The following HIPK2 variants were observed in gnomAD, a reference collection of about 807,000 sequenced individuals.
The protein encoded by HIPK2 is homeodomain-interacting protein kinase 2.
Under a neutral mutation model 113.7 loss-of-function variants are expected in HIPK2, and 27 were observed. That is an observed-to-expected ratio of 0.24 (90% CI 0.17 to 0.33). The LOEUF is 0.33. Among genes scored for constraint, HIPK2 ranks in the 10% least tolerant of loss-of-function variants. HIPK2 has a pLI of 1.00. For synonymous variants in HIPK2, 631 were observed against 642.2 expected (o/e 0.98, Z 0.26); for missense variants, 1,257 against 1,588.0 (o/e 0.79, Z 3.54).
intron 1 of HIPK2, among the ~76,000 whole-genome samples, chr7:139,735,733 G>A (rs982724899): frequency 5.9e-5 from 9 of 152,200 alleles, no homozygotes; most frequent in Admixed American, 3.3e-4. Flanking sequence ...CTTTACACAC[G>A]AGAGTGCACC....
At chr7:139,644,493 C>A (rs930425645) in intron 2 of HIPK2, among the ~76,000 whole-genome samples, 1 of 152,226 alleles carries the variant, frequency 6.6e-6, no homozygotes, top group African/African-American at 2.4e-5. Flanking sequence ...CCCAGGTGAG[C>A]GCAAAGGCCA....
chr7:139,679,326 T>C (rs554816804), intron 2 of HIPK2, among the ~76,000 whole-genome samples: 1 of 152,278 alleles, frequency 6.6e-6, no homozygotes, highest in East Asian at 1.9e-4. Context: ...TAATCACCTC[T>C]TAAAGGCCCT....
intron 2 of HIPK2, among the ~76,000 whole-genome samples, chr7:139,659,736 G>A (rs1237190971): frequency 7.3e-6 from 1 of 136,580 alleles, no homozygotes; most frequent in Non-Finnish European, 1.6e-5. Flanking sequence ...CTTCTGGCTG[G>A]CTAGAGCTGC....
intron 6 of HIPK2, among the ~76,000 whole-genome samples, chr7:139,622,262 G>A (rs1049537388): frequency 2.0e-5 from 3 of 152,220 alleles, no homozygotes; most frequent in South Asian, 2.1e-4. Context: ...AACCATTTAC[G>A]GACTGATGAT....
chr7:139,662,088 C>T (rs1190837666), intron 2 of HIPK2, among the ~76,000 whole-genome samples: 1 of 152,238 alleles, frequency 6.6e-6, no homozygotes, highest in Non-Finnish European at 1.5e-5. Flanking sequence ...TACCCACAAA[C>T]GTGCTAAAAA....
rs548098153 is a variant in HIPK2 at position 139,683,103 on chromosome 7, T to C, written c.1103+32829A>G. ...CCACTCAGTAAGGTCACTCCTGGGTTGATGAACAAAACCTTGCTGTTTGTA... is the reference window on the plus strand; with the variant it reads ...CCACTCAGTAAGGTCACTCCTGGGTCGATGAACAAAACCTTGCTGTTTGTA... On this transcript the variant is annotated intron_variant, in intron 2 of 14. Transcript: ENST00000406875. The surrounding 1 kb of genome is among the most constrained non-coding windows in gnomAD (Gnocchi z 4.2). Among the ~76,000 whole-genome samples the C allele has an allele frequency of 2.0e-5, 3 of 152,312 alleles. No individual in the cohort carries two copies. In the East Asian group the frequency reaches 5.8e-4, roughly 29 times the overall value.
intron 2 of HIPK2, among the ~76,000 whole-genome samples, chr7:139,691,379 G>A (rs1382990267): frequency 6.6e-6 from 1 of 152,208 alleles, no homozygotes; most frequent in Non-Finnish European, 1.5e-5. Context: ...TATCTGCGGA[G>A]AGAGTGACAA....
At chr7:139,715,673 C>G (rs1795208656) in intron 2 of HIPK2, among the ~76,000 whole-genome samples, 1 of 152,238 alleles carries the variant, frequency 6.6e-6, no homozygotes, top group Admixed American at 6.5e-5. Flanking sequence ...CGGAACTCTT[C>G]TGCTCTGCAC....
intron 2 of HIPK2, among the ~76,000 whole-genome samples, chr7:139,655,491 T>C (rs372272543): frequency 2.3e-4 from 35 of 152,312 alleles, no homozygotes; most frequent in Middle Eastern, 3.4e-3. Flanking sequence ...TCTGTCTTCC[T>C]CTGGAGTCTT....
At chr7:139,697,900 C>G (rs1052146927) in intron 2 of HIPK2, among the ~76,000 whole-genome samples, 1 of 145,280 alleles carries the variant, frequency 6.9e-6, no homozygotes, top group Admixed American at 7.0e-5. Flanking sequence ...GACGGAGTCT[C>G]GCTCTGTCGC....
At chr7:139,670,751 C>CTTTTTT (rs1802244998) in intron 2 of HIPK2, among the ~76,000 whole-genome samples, 10 of 58,986 alleles carry the variant, frequency 1.7e-4, no homozygotes, top group African/African-American at 5.4e-4. Context: ...TTCTTTCTTT[C>CTTTTTT]TTTCTTTCTT....
At chr7:139,658,539 C>T (rs985856048) in intron 2 of HIPK2, among the ~76,000 whole-genome samples, 2 of 152,144 alleles carry the variant, frequency 1.3e-5, no homozygotes, top group African/African-American at 4.8e-5. Context: ...AAATTTTCTC[C>T]ATAGAAACTA....
intron 12 of HIPK2, 184 bp downstream of exon 12, chr7:139,596,529 TAAAC>T: frequency 3.0e-6 from 1 of 337,668 alleles, no homozygotes; most frequent in Non-Finnish European, 4.2e-6. Flanking sequence ...ATTTTGGTTT[TAAAC>T]AATTATGGAA....
intron 12 of HIPK2, among the ~76,000 whole-genome samples, chr7:139,592,733 T>G (rs1328109849): frequency 6.6e-6 from 1 of 152,202 alleles, no homozygotes; most frequent in Non-Finnish European, 1.5e-5. Flanking sequence ...TTGTTCAGTA[T>G]GTGTAGACAA....
At chr7:139,770,529 A>G (rs1796631418) in intron 1 of HIPK2, among the ~76,000 whole-genome samples, 1 of 152,228 alleles carries the variant, frequency 6.6e-6, no homozygotes, top group African/African-American at 2.4e-5. Flanking sequence ...AAATACACAA[A>G]CAAACCCTTT....
intron 1 of HIPK2, among the ~76,000 whole-genome samples, chr7:139,776,142 T>C (rs1796738885): frequency 6.6e-6 from 1 of 152,218 alleles, no homozygotes; most frequent in Non-Finnish European, 1.5e-5. Flanking sequence ...GCATGTTCTA[T>C]TCTGCGTGGT....
chr7:139,648,611 G>A (rs533068269), intron 2 of HIPK2, among the ~76,000 whole-genome samples: 2 of 152,200 alleles, frequency 1.3e-5, no homozygotes, highest in East Asian at 3.9e-4. Flanking sequence ...CTTCACGTCC[G>A]GTTAAAACGA....
At chr7:139,656,410 T>C (rs892094668) in intron 2 of HIPK2, among the ~76,000 whole-genome samples, 7 of 152,234 alleles carry the variant, frequency 4.6e-5, no homozygotes, top group Admixed American at 2.0e-4. Flanking sequence ...TTTACCTTTA[T>C]TTCTTGAGTT....
chr7:139,678,456 T>C (rs887222373), intron 2 of HIPK2, among the ~76,000 whole-genome samples: 4 of 152,274 alleles, frequency 2.6e-5, no homozygotes, highest in Non-Finnish European at 5.9e-5. Context: ...TGCTAGTTTT[T>C]GACAGGTCTG....
Sources: allele counts gnomAD v4.1 joint callset (sites outside exome capture counted in the v4.1 genomes callset), GRCh38; gene constraint gnomAD v4.1.1; non-coding constraint Gnocchi (gnomAD v3.1); transcripts MANE v1.5; gene names NCBI Gene and HGNC (gene_info 2026-07-23, HGNC 2026-07-21).